ADGRL3: variants seen among roughly 807,000 people sequenced by gnomAD.
The protein encoded by ADGRL3 is adhesion G protein-coupled receptor L3.
A neutral mutation model predicts 153.5 loss-of-function variants in ADGRL3; 62 were observed. That is an observed-to-expected ratio of 0.40 (90% CI 0.33 to 0.50). The LOEUF (loss-of-function observed/expected upper bound fraction) is 0.50, where lower values mean the gene tolerates loss of function less well. ADGRL3 is among the 20% of genes least tolerant of loss of function. ADGRL3 has a pLI of 0.47. For missense variants in ADGRL3, 1,641 were observed against 1,859.4 expected (o/e 0.88, Z 2.16); for synonymous variants, 710 against 672.5 (o/e 1.06, Z -0.86).
chr4:61,420,789 C>CAAAAAAAAAAAAAAAAAAAA (rs781119391), intron 2 of ADGRL3: 1 of 112,612 alleles, frequency 8.9e-6, no homozygotes, highest in African/African-American at 3.6e-5. Flanking sequence ...TACCCAAGGT[C>CAAAAAAAAAAAAAAAAAAAA]AAAAAAAAAA....
At chr4:61,729,393 G>A (rs755357823) in intron 6 of ADGRL3, among the ~76,000 whole-genome samples, 61 of 151,998 alleles carry the variant, frequency 4.0e-4, no homozygotes, top group Non-Finnish European at 7.4e-4. Flanking sequence ...CAAAAAAGTC[G>A]TTGGAGAGAA....
chr4:62,015,420 A>T (rs1421790108), intron 21 of ADGRL3, among the ~76,000 whole-genome samples: 3 of 152,232 alleles, frequency 2.0e-5, no homozygotes, highest in Non-Finnish European at 4.4e-5. Flanking sequence ...TAATTATGAG[A>T]TTAAGATAAT....
intron 1 of ADGRL3, among the ~76,000 whole-genome samples, chr4:61,215,960 T>C (rs1309055777): frequency 6.6e-6 from 1 of 152,130 alleles, no homozygotes; most frequent in Non-Finnish European, 1.5e-5. Context: ...GTAGGTCTAT[T>C]TCATCTGTAA....
At chr4:61,356,839 G>A (rs74535334) in intron 1 of ADGRL3, among the ~76,000 whole-genome samples, 2 of 152,146 alleles carry the variant, frequency 1.3e-5, no homozygotes, top group East Asian at 1.9e-4. Context: ...TGGCCTTAAA[G>A]GTTCTGTTTC....
chr4:61,745,818 C>G (rs1399431098), intron 8 of ADGRL3, among the ~76,000 whole-genome samples: 1 of 152,052 alleles, frequency 6.6e-6, no homozygotes, highest in Non-Finnish European at 1.5e-5. Context: ...GCAAAATAAC[C>G]AGCTAACATC....
intron 9 of ADGRL3, among the ~76,000 whole-genome samples, chr4:61,878,730 AGTT>A (rs2098490992): frequency 6.6e-6 from 1 of 152,244 alleles, no homozygotes; most frequent in African/African-American, 2.4e-5. Flanking sequence ...AGACATTGAG[AGTT>A]GTTGTCAAGC....
At chr4:61,792,457 AC>A (rs1213885270) in intron 8 of ADGRL3, among the ~76,000 whole-genome samples, 1 of 150,120 alleles carries the variant, frequency 6.7e-6, no homozygotes, top group Non-Finnish European at 1.5e-5. Flanking sequence ...GAAGTTCCAA[AC>A]TTTTCCTTTA....
chr4:61,903,563 A>C (rs1166104119), intron 11 of ADGRL3, among the ~76,000 whole-genome samples: 1 of 149,028 alleles, frequency 6.7e-6, no homozygotes, highest in East Asian at 2.1e-4. Context: ...CTACTTGGGA[A>C]GCTGAAACAG....
chr4:61,865,427 C>T (rs2098390972), intron 9 of ADGRL3, among the ~76,000 whole-genome samples: 1 of 152,068 alleles, frequency 6.6e-6, no homozygotes, highest in Non-Finnish European at 1.5e-5. Flanking sequence ...CTAAAATAAC[C>T]AGCTAGATTG....
intron 25 of ADGRL3, among the ~76,000 whole-genome samples, 166 bp from the exon 26 acceptor site, chr4:62,068,000 T>C (rs1410847618): frequency 2.6e-5 from 4 of 152,256 alleles, no homozygotes; most frequent in Non-Finnish European, 5.9e-5. Context: ...TTTTTAATTA[T>C]GGTAAATCAT....
At chr4:61,354,655 A>C (rs1287519127) in intron 1 of ADGRL3, among the ~76,000 whole-genome samples, 2 of 151,858 alleles carry the variant, frequency 1.3e-5, no homozygotes, top group Admixed American at 6.6e-5. Context: ...AAGATACATA[A>C]AATTTTCAAA....
intron 9 of ADGRL3, among the ~76,000 whole-genome samples, chr4:61,858,283 A>C (rs949819269): frequency 6.6e-6 from 1 of 152,148 alleles, no homozygotes; most frequent in Non-Finnish European, 1.5e-5. Context: ...AGAAGCATCC[A>C]TAGATAATAT....
chr4:62,037,745 T>A lies in ADGRL3; in HGVS notation c.3606T>A (p.Tyr1202Ter), dbSNP rs1725886080. The A allele has an allele frequency of 6.2e-7, 1 of 1,613,010 alleles. No homozygotes were observed. The highest frequency in any genetic ancestry group is 1.3e-5 in the African/African-American group (1 of 74,902). Residue 1202 changes from tyrosine to a stop codon, truncating the protein, a stop_gained, in exon 24 of 27, where the codon TAT becomes TAA. Transcript: ENST00000683033. LOFTEE classifies it high-confidence loss of function. ...TAATTGGCTAGGTACGAAAAGAGTA[T>A]GGGAAATGCCTGCGAACACATTGCT... ...CVLQKKVRKE[Y>*]GKCLRTHCCS...
intron 21 of ADGRL3, among the ~76,000 whole-genome samples, chr4:62,011,002 G>A (rs1265385784): frequency 6.6e-6 from 1 of 151,838 alleles, no homozygotes; most frequent in Non-Finnish European, 1.5e-5. Flanking sequence ...ATGCGCTATA[G>A]GTAAAACTCA....
At chr4:61,747,417 T>C (rs1385712256) in intron 8 of ADGRL3, among the ~76,000 whole-genome samples, 1 of 151,934 alleles carries the variant, frequency 6.6e-6, no homozygotes, top group Admixed American at 6.6e-5. Context: ...AAGAGAATTT[T>C]AGACCAATAT....
intron 23 of ADGRL3, among the ~76,000 whole-genome samples, chr4:62,036,366 C>T (rs747379593): frequency 2.0e-5 from 3 of 151,930 alleles, no homozygotes; most frequent in South Asian, 2.1e-4. Flanking sequence ...CCCAAGAAGC[C>T]GTTCTTGGCC....
At chr4:62,040,243 G>A (rs1040277926) in intron 24 of ADGRL3, among the ~76,000 whole-genome samples, 1 of 151,768 alleles carries the variant, frequency 6.6e-6, no homozygotes, top group Non-Finnish European at 1.5e-5. Context: ...ATTTATTACT[G>A]TTGTTATTAC....
At chr4:61,707,121 A>G (rs540890211) in intron 6 of ADGRL3, among the ~76,000 whole-genome samples, 140 of 152,308 alleles carry the variant, frequency 9.2e-4, no homozygotes, top group Non-Finnish European at 1.8e-3. Flanking sequence ...TCAGTAGAGC[A>G]GTCAGAACAC....
chr4:61,729,345 A>T (rs943039944), intron 6 of ADGRL3, among the ~76,000 whole-genome samples: 1 of 151,930 alleles, frequency 6.6e-6, no homozygotes, highest in Non-Finnish European at 1.5e-5. Flanking sequence ...GAGGAATATC[A>T]CCACTCAATA....
Sources: allele counts gnomAD v4.1 joint callset (sites outside exome capture counted in the v4.1 genomes callset), GRCh38; gene constraint gnomAD v4.1.1; transcripts MANE v1.5; gene names NCBI Gene and HGNC (gene_info 2026-07-23, HGNC 2026-07-21).